The following XKR6 variants were observed in gnomAD, a reference collection of about 807,000 sequenced individuals.
XKR6 encodes the protein XK-related protein 6.
In XKR6, 22 loss-of-function variants were observed where a neutral mutation model predicts 56.7. That is an observed-to-expected ratio of 0.39 (90% CI 0.28 to 0.55). The LOEUF is 0.55. XKR6 is among the 20% of genes least tolerant of loss of function. The pLI, the probability that XKR6 is intolerant of heterozygous loss-of-function variation, is 0.66. For synonymous variants in XKR6, 524 were observed against 387.8 expected (o/e 1.35, Z -4.13); for missense variants, 852 against 889.0 (o/e 0.96, Z 0.53).
chr8:11,169,151 C>G (rs1036551256), intron 1 of XKR6, among the ~76,000 whole-genome samples: 45 of 152,120 alleles, frequency 3.0e-4, no homozygotes, highest in African/African-American at 9.2e-4. Flanking sequence ...CATAAAAACC[C>G]CAAATCTAGC....
intron 1 of XKR6, among the ~76,000 whole-genome samples, chr8:10,983,574 C>G (rs1448488568): frequency 6.6e-6 from 1 of 152,136 alleles, no homozygotes; most frequent in African/African-American, 2.4e-5. Context: ...CAGAAAAATT[C>G]TACCTAATCC....
chr8:11,060,294 T>G (rs1470227204), intron 1 of XKR6, among the ~76,000 whole-genome samples: 2 of 152,032 alleles, frequency 1.3e-5, no homozygotes, highest in South Asian at 2.1e-4. Flanking sequence ...CAGCAGGGCT[T>G]TCCCTTCCTC....
intron 1 of XKR6, among the ~76,000 whole-genome samples, chr8:10,925,211 A>G (rs554803063): frequency 6.6e-6 from 1 of 152,266 alleles, no homozygotes; most frequent in Non-Finnish European, 1.5e-5. Context: ...CCGGGGGGAA[A>G]CAATCCAGCA....
Position 10,898,404 on chromosome 8 carries a change from G to C in XKR6, c.1474C>G (p.Leu492Val). 6.2e-7 allele frequency: 1 copy of C among 1,614,038 alleles called. No homozygotes were observed. Among genetic ancestry groups the C allele is most frequent in the Non-Finnish European group, 8.5e-7 (1 of 1,179,996 alleles). The change falls in exon 3 of 3, where the codon CTC (leucine) becomes GTC (valine). Residue 492 changes from leucine (L) to valine (V), a missense_variant. Physicochemically the swap from Leu to Val is conservative, Grantham distance 32. This residue lies in a region of XKR6 where 197 missense variants were observed against 190.9 expected (regional missense o/e 1.03). Coordinates refer to ENST00000416569, the MANE Select transcript of XKR6 (RefSeq NM_173683.4). The surrounding 1 kb of genome is among the most constrained non-coding windows in gnomAD (Gnocchi z 6.6). The part of the protein sequence containing the change: ...ISFVAGIAMM[L>V]LYYGVLHPTG... The stretch of plus-strand genomic sequence containing the variant: ...GGATGCAGCACGCCATAGTATAAGA[G>C]CATCATTGCGATCCCAGCCACAAAG...
At chr8:11,091,753 A>G (rs1178719468) in intron 1 of XKR6, among the ~76,000 whole-genome samples, 4 of 152,154 alleles carry the variant, frequency 2.6e-5, no homozygotes, top group Non-Finnish European at 5.9e-5. Flanking sequence ...AGTTACCTGC[A>G]TGTGAAACTG....
At chr8:11,186,155 T>C (rs1006682564) in intron 1 of XKR6, among the ~76,000 whole-genome samples, 1 of 152,120 alleles carries the variant, frequency 6.6e-6, no homozygotes, top group Non-Finnish European at 1.5e-5. Context: ...TTTTTTTTTA[T>C]ACATACACAC....
rs1254026940 is a variant in XKR6 at position 11,030,781 on chromosome 8, G to T, written c.765-105951C>A. 2.6e-5 allele frequency among the ~76,000 whole-genome samples: 4 copies of T among 152,236 alleles called. No individual in the cohort carries two copies. In the East Asian group the frequency reaches 7.7e-4, roughly 29 times the overall value. On this transcript the variant is annotated intron_variant, in intron 1 of 2. Coordinates refer to ENST00000416569, the MANE Select transcript of XKR6 (RefSeq NM_173683.4). ...TCTCCTAGGCGTGGAGGGTGGGAAT[G>T]GTATGAAGTGAAACCTCCCTACTCC...
intron 1 of XKR6, among the ~76,000 whole-genome samples, chr8:11,181,715 C>A (rs750549963): frequency 1.3e-5 from 2 of 152,170 alleles, no homozygotes; most frequent in East Asian, 1.9e-4. Context: ...GTGAGCCAGG[C>A]AGAAAAAGCT....
chr8:10,960,243 A>C (rs1802022723), intron 1 of XKR6, among the ~76,000 whole-genome samples: 1 of 151,396 alleles, frequency 6.6e-6, no homozygotes, highest in African/African-American at 2.4e-5. Context: ...CAGGTATAGC[A>C]GGTAGGTGCA....
At chr8:11,089,339 A>G (rs563997259) in intron 1 of XKR6, among the ~76,000 whole-genome samples, 58 of 152,338 alleles carry the variant, frequency 3.8e-4, no homozygotes, top group African/African-American at 1.3e-3. Context: ...GTGCTTTTTA[A>G]AAATGAAGTA....
At chr8:11,100,924 T>C (rs1471142656) in intron 1 of XKR6, among the ~76,000 whole-genome samples, 1 of 152,224 alleles carries the variant, frequency 6.6e-6, no homozygotes, top group African/African-American at 2.4e-5. Flanking sequence ...ATGCACTTTA[T>C]GGGCAGGTGG....
intron 1 of XKR6, among the ~76,000 whole-genome samples, chr8:11,008,594 CT>C (rs1401650726): frequency 1.3e-5 from 2 of 151,866 alleles, no homozygotes; most frequent in African/African-American, 4.8e-5. Flanking sequence ...CTAATTTTTT[CT>C]TTTTTTAGTA....
At chr8:11,001,530 C>T (rs1798237923) in intron 1 of XKR6, among the ~76,000 whole-genome samples, 1 of 152,288 alleles carries the variant, frequency 6.6e-6, no homozygotes, top group African/African-American at 2.4e-5. Context: ...TAAAGAAAAA[C>T]TCCTCTCTAC....
intron 1 of XKR6, among the ~76,000 whole-genome samples, chr8:11,087,616 C>A (rs570780735): frequency 1.7e-4 from 26 of 152,310 alleles, no homozygotes; most frequent in Admixed American, 1.4e-3. Flanking sequence ...CATCTTGCAA[C>A]CACCAAGGGA....
chr8:11,179,419 C>T (rs535871205), intron 1 of XKR6, among the ~76,000 whole-genome samples: 1 of 152,266 alleles, frequency 6.6e-6, no homozygotes, highest in East Asian at 1.9e-4. Context: ...AGATTAAAAC[C>T]ACCATCTGAG....
chr8:11,149,077 G>A (rs996067235), intron 1 of XKR6, among the ~76,000 whole-genome samples: 3 of 152,220 alleles, frequency 2.0e-5, no homozygotes, highest in South Asian at 2.1e-4. Flanking sequence ...CTGAATGTTT[G>A]TGTGCCCCCA....
chr8:11,111,740 A>G (rs1249087321), intron 1 of XKR6: 2 of 152,204 alleles, frequency 1.3e-5, no homozygotes, highest in African/African-American at 2.4e-5. Flanking sequence ...ATTATCTGTT[A>G]TTAGATATAC....
intron 1 of XKR6, among the ~76,000 whole-genome samples, chr8:11,178,664 TAC>T (rs1715020915): frequency 7.5e-6 from 1 of 133,798 alleles, no homozygotes; most frequent in African/African-American, 3.6e-5. Context: ...TATATATATA[TAC>T]ACAGAGATAA....
chr8:11,191,422 A>C (rs1803567062), intron 1 of XKR6, among the ~76,000 whole-genome samples: 1 of 152,236 alleles, frequency 6.6e-6, no homozygotes, highest in Admixed American at 6.5e-5. Flanking sequence ...CTTTATATAA[A>C]GAAATCTGGC....
Sources: allele counts gnomAD v4.1 joint callset (sites outside exome capture counted in the v4.1 genomes callset), GRCh38; gene constraint gnomAD v4.1.1; regional missense constraint gnomAD v4.1.1; non-coding constraint Gnocchi (gnomAD v3.1); transcripts MANE v1.5; gene names NCBI Gene and HGNC (gene_info 2026-07-23, HGNC 2026-07-21).